Variants in CA5B observed in about 807,000 individuals in gnomAD.
The protein encoded by CA5B is carbonic anhydrase 5B, also known as carbonic anhydrase 5B, mitochondrial.
CA5B carries 15 observed loss-of-function variants against 23.1 expected under a neutral mutation model. The ratio of observed to expected loss-of-function variants is 0.65; its 90% confidence interval spans 0.43 to 1.00. CA5B has a LOEUF of 1.00. Ranked by LOEUF, CA5B falls within the 50% of genes least tolerant of loss-of-function variation. The pLI is 0.00. For synonymous variants in CA5B, 84 were observed against 98.5 expected, an observed-to-expected ratio of 0.85 and a Z score of 0.87; for missense variants, 236 against 252.2, an observed-to-expected ratio of 0.94 and a Z score of 0.43.
chrX:15,756,635 G>A (rs1287187717), intron 2 of CA5B, among the ~76,000 whole-genome samples: 1 of 112,869 alleles, frequency 8.9e-6, no homozygotes, highest in Non-Finnish European at 1.9e-5. Context: ...TAAAGGCCAG[G>A]TGTGGGGGCT....
At position 15,750,125 on chromosome X, in the gene CA5B, C is replaced by G. The variant is rs759916192; in HGVS notation, c.102C>G (p.Cys34Trp). The change falls in exon 2 of 8, where the codon TGC becomes TGG. Residue 34 changes from cysteine to tryptophan, a missense_variant. By Grantham distance (215) the Cys-to-Trp change is radical (BLOSUM62 -2). Coordinates refer to ENST00000318636, the MANE Select transcript of CA5B (RefSeq NM_007220.4). The part of the protein sequence containing the change: ...QIPRFMPARP[C>W]SLYTCTYKTR... ...CGAGATTCATGCCAGCGAGGCCCTGCAGCCTCTATACTTGTACTTACAAAA... is the reference window on the plus strand; with the variant it reads ...CGAGATTCATGCCAGCGAGGCCCTGGAGCCTCTATACTTGTACTTACAAAA... 1.3e-4 allele frequency: 152 copies of G among 1,209,945 alleles called. 1 individual carries two copies. The highest frequency in any genetic ancestry group is 1.6e-4 in the Non-Finnish European group (145 of 895,023).
chrX:15,783,037 C>T lies in CA5B; in HGVS notation c.*373C>T, dbSNP rs762705468. The T allele has an allele frequency of 6.3e-5, 10 of 158,377 alleles. No individual in the cohort carries two copies. Among genetic ancestry groups the T allele is most frequent in the Non-Finnish European group, 9.6e-5 (8 of 83,359 alleles). 13.1% of individuals were successfully genotyped at this position (158,377 alleles called of 1,213,427 possible). ...GGGGCTACAGGTGCTGGCCGCCTGG[C>T]CCAGCTTGTAATATCTTTTTATGTC... On this transcript the variant is annotated 3_prime_UTR_variant, in exon 8 of 8. Coordinates refer to ENST00000318636, the MANE Select transcript of CA5B (RefSeq NM_007220.4).
chrX:15,770,742 T>C (rs1931801056), intron 3 of CA5B, among the ~76,000 whole-genome samples: 1 of 110,025 alleles, frequency 9.1e-6, no homozygotes, highest in South Asian at 4.0e-4. Flanking sequence ...TCTTTCTTTC[T>C]TTCCTTTCCT....
In CA5B at chrX:15,785,229, A is replaced by G. The variant is rs1165136810; in HGVS notation, c.*2565A>G. ...ATATTTGTACACCCATGTTCATAGCAGCATTATTCACAATAGCCAAGAGGT... is the reference window on the plus strand; with the variant it reads ...ATATTTGTACACCCATGTTCATAGCGGCATTATTCACAATAGCCAAGAGGT... On this transcript the variant is annotated 3_prime_UTR_variant, in exon 8 of 8. Transcript: ENST00000318636. 2 of 112,410 alleles carry G rather than the reference A, an allele frequency of 1.8e-5. No homozygotes were observed. Among genetic ancestry groups the G allele is most frequent in the Admixed American group, 1.9e-4 (2 of 10,562 alleles). 9.3% of individuals were successfully genotyped at this position (112,410 alleles called of 1,213,427 possible).
At position 15,775,328 on chromosome X, in the gene CA5B, A is replaced by C. The variant is rs1483232160; in HGVS notation, c.618+20A>C. ...CATAAGGTACTATTTGTTTTCCTTAATTACTTGAAATATACTTTTATGTTT... is the reference window on the plus strand; with the variant it reads ...CATAAGGTACTATTTGTTTTCCTTACTTACTTGAAATATACTTTTATGTTT... On this transcript the variant is annotated intron_variant, in intron 6 of 7. Coordinates refer to ENST00000318636, the MANE Select transcript of CA5B (RefSeq NM_007220.4). The C allele has an allele frequency of 8.5e-7, 1 of 1,180,048 alleles. No homozygotes were observed. Among genetic ancestry groups the C allele is most frequent in the Admixed American group, 2.4e-5 (1 of 41,582 alleles).
In CA5B at chrX:15,772,073, A is replaced by G. The variant is rs771644395; in HGVS notation, c.341-423A>G. On this transcript the variant is annotated intron_variant, in intron 3 of 7. Coordinates refer to ENST00000318636, the MANE Select transcript of CA5B (RefSeq NM_007220.4). ...CCTATTCCATTTCAATGAAAGGGAAAGCAACACTAGTATCTTCAAAACTTG... is the reference window on the plus strand; with the variant it reads ...CCTATTCCATTTCAATGAAAGGGAAGGCAACACTAGTATCTTCAAAACTTG... Among the ~76,000 whole-genome samples, 6 of 112,324 alleles carry G rather than the reference A, an allele frequency of 5.3e-5. No individual in the cohort carries two copies. In the South Asian group the frequency reaches 2.2e-3, roughly 41 times the overall value.
At chrX:15,741,667 G>A (rs1325834181) in intron 1 of CA5B, among the ~76,000 whole-genome samples, 3 of 109,341 alleles carry the variant, frequency 2.7e-5, no homozygotes, top group African/African-American at 1.0e-4. Context: ...ATCTCTAGAC[G>A]AGGTTTCACC....
chrX:15,747,044 G>T (rs899382161), intron 1 of CA5B, among the ~76,000 whole-genome samples: 3 of 111,657 alleles, frequency 2.7e-5, no homozygotes, highest in Non-Finnish European at 3.8e-5. Flanking sequence ...CAAGAAGGGG[G>T]TCTTTTTGGG....
intron 1 of CA5B, among the ~76,000 whole-genome samples, chrX:15,748,354 A>G (rs966304019): frequency 9.0e-6 from 1 of 111,455 alleles, no homozygotes; most frequent in African/African-American, 3.3e-5. Context: ...GCTGCTTTTT[A>G]TTAAAAGGAA....
At chrX:15,738,436 C>T (rs910389389) in intron 1 of CA5B, 84 bp downstream of exon 1, 1 of 111,240 alleles carries the variant, frequency 9.0e-6, no homozygotes, top group African/African-American at 3.3e-5. Context: ...CACGACTCTC[C>T]GCTCTGGCGC....
chrX:15,775,892 C>A, intron 6 of CA5B: 4 of 751,718 alleles, frequency 5.3e-6, no homozygotes, highest in Non-Finnish European at 6.3e-6. Context: ...CTCCCCCCAT[C>A]CCCCACTCTG....
intron 7 of CA5B, among the ~76,000 whole-genome samples, chrX:15,781,927 CAAAA>C (rs61569115): frequency 2.6e-5 from 2 of 75,717 alleles, no homozygotes; most frequent in Non-Finnish European, 5.5e-5. Context: ...TTAAAAAAAA[CAAAA>C]AAAAAAAGAA....
intron 2 of CA5B, among the ~76,000 whole-genome samples, chrX:15,756,393 C>T (rs193118586): frequency 7.1e-5 from 8 of 112,428 alleles, no homozygotes; most frequent in Admixed American, 1.9e-4. Flanking sequence ...GGACACAGAC[C>T]TCATGGGCTT....
rs759960757 is a variant in CA5B at position 15,757,600 on chromosome X, C to T, written c.143-6978C>T. On this transcript the variant is annotated intron_variant, in intron 2 of 7. Transcript: ENST00000318636. Reference sequence around the variant, plus strand: ...ACAGGCACCTATAATCCCAGCTACTCGGGAGGCTGACGCAGGAAAATTGCT... The same window carrying T: ...ACAGGCACCTATAATCCCAGCTACTTGGGAGGCTGACGCAGGAAAATTGCT... Among the ~76,000 whole-genome samples the T allele has an allele frequency of 4.6e-5, 5 of 108,182 alleles. No individual in the cohort carries two copies. The East Asian group carries it at 1.2e-3, about 26-fold the overall frequency. The allele number at this position is 108,182 out of a possible 115,157, so 93.9% of individuals were successfully genotyped here.
intron 1 of CA5B, among the ~76,000 whole-genome samples, chrX:15,744,082 C>A (rs1175946110): frequency 1.8e-5 from 2 of 111,944 alleles, no homozygotes; most frequent in Middle Eastern, 4.2e-3. Flanking sequence ...GCCCTCCTGC[C>A]CCCTAGCCCT....
rs1177229640 is a variant in CA5B at position 15,783,389 on chromosome X, T to C, written c.*725T>C. The C allele has an allele frequency of 3.6e-5, 4 of 112,536 alleles. No homozygotes were observed. Among genetic ancestry groups the C allele is most frequent in the African/African-American group, 1.3e-4 (4 of 30,978 alleles). 9.3% of individuals were successfully genotyped at this position (112,536 alleles called of 1,213,427 possible). A position where few individuals can be genotyped will look rare whatever the true frequency, so the allele number is the denominator to read the frequency against. ...TGATGTAGAAAATATATTTTGTAAT[T>C]ATAAGAAAACAAGACTTTTCCTATA... On this transcript the variant is annotated 3_prime_UTR_variant, in exon 8 of 8. Transcript: ENST00000318636.
intron 3 of CA5B, among the ~76,000 whole-genome samples, chrX:15,770,623 C>G (rs1264648217): frequency 9.0e-6 from 1 of 110,544 alleles, no homozygotes; most frequent in Non-Finnish European, 1.9e-5. Flanking sequence ...TTCCTGCATT[C>G]ATCTGCCCCA....
At chrX:15,762,835 A>G (rs758275823) in intron 2 of CA5B, 4 of 371,112 alleles carry the variant, frequency 1.1e-5, no homozygotes, top group Non-Finnish European at 2.2e-5. Context: ...GGACAGGGAA[A>G]TGGACCACCC....
chrX:15,747,043 G>T (rs1336081901), intron 1 of CA5B, among the ~76,000 whole-genome samples: 1 of 111,481 alleles, frequency 9.0e-6, no homozygotes, highest in Non-Finnish European at 1.9e-5. Flanking sequence ...GCAAGAAGGG[G>T]GTCTTTTTGG....
Sources: allele counts gnomAD v4.1 joint callset (sites outside exome capture counted in the v4.1 genomes callset), GRCh38; gene constraint gnomAD v4.1.1; transcripts MANE v1.5; gene names NCBI Gene and HGNC (gene_info 2026-07-23, HGNC 2026-07-21).